The following NALF1 variants were observed in gnomAD, a reference collection of about 807,000 sequenced individuals.
NALF1 encodes NALCN channel auxiliary factor 1.
NALF1 carries 3 observed loss-of-function variants against 48.4 expected under a neutral mutation model. That is an observed-to-expected ratio of 0.06 (90% CI 0.03 to 0.16). The LOEUF (loss-of-function observed/expected upper bound fraction) is 0.16, where lower values mean the gene tolerates loss of function less well. Among genes scored for constraint, NALF1 ranks in the 10% least tolerant of loss-of-function variants. The pLI, the probability that NALF1 is intolerant of heterozygous loss-of-function variation, is 1.00. For missense variants in NALF1, 526 were observed against 571.5 expected, an observed-to-expected ratio of 0.92 and a Z score of 0.81; for synonymous variants, 262 against 245.7, an observed-to-expected ratio of 1.07 and a Z score of -0.62.
At chr13:107,373,802 T>C (rs565136114) in intron 1 of NALF1, among the ~76,000 whole-genome samples, 33 of 152,276 alleles carry the variant, frequency 2.2e-4, no homozygotes, top group African/African-American at 7.9e-4. Context: ...AAGCACATGT[T>C]TCAATGTATA....
chr13:107,623,590 A>G (rs1372472741), intron 1 of NALF1, among the ~76,000 whole-genome samples: 1 of 152,202 alleles, frequency 6.6e-6, no homozygotes, highest in East Asian at 1.9e-4. Context: ...CTATTGTTTC[A>G]TTCTGTTGTA....
At chr13:107,660,026 T>C (rs1435345914) in intron 1 of NALF1, among the ~76,000 whole-genome samples, 1 of 151,872 alleles carries the variant, frequency 6.6e-6, no homozygotes, top group Non-Finnish European at 1.5e-5. Flanking sequence ...CCACCGCACC[T>C]GGCCAAATAT....
At chr13:107,235,212 CT>C (rs1398491486) in intron 1 of NALF1, among the ~76,000 whole-genome samples, 1 of 152,182 alleles carries the variant, frequency 6.6e-6, no homozygotes, top group Non-Finnish European at 1.5e-5. Context: ...TCAGAATGCA[CT>C]GTCTTCCTAT....
chr13:107,265,206 T>C (rs1237544821), intron 1 of NALF1, among the ~76,000 whole-genome samples: 1 of 152,240 alleles, frequency 6.6e-6, no homozygotes, highest in Non-Finnish European at 1.5e-5. Context: ...TGCCTATGCA[T>C]AACTTTTTCT....
At chr13:107,227,522 G>A (rs1880131300) in intron 1 of NALF1, among the ~76,000 whole-genome samples, 1 of 152,172 alleles carries the variant, frequency 6.6e-6, no homozygotes, top group Non-Finnish European at 1.5e-5. Flanking sequence ...ACTGCATAAG[G>A]TTAAAAGTTT....
At chr13:107,439,502 T>G (rs1255294737) in intron 1 of NALF1, among the ~76,000 whole-genome samples, 1 of 152,202 alleles carries the variant, frequency 6.6e-6, no homozygotes, top group African/African-American at 2.4e-5. Context: ...CCAGCTATCT[T>G]AAAAATACTT....
chr13:107,598,685 GTTC>G (rs1449212617), intron 1 of NALF1, among the ~76,000 whole-genome samples: 1 of 152,118 alleles, frequency 6.6e-6, no homozygotes, highest in Non-Finnish European at 1.5e-5. Context: ...TTTGGAACTG[GTTC>G]TTCTGCATAG....
At chr13:107,307,559 C>T (rs887959122) in intron 1 of NALF1, among the ~76,000 whole-genome samples, 3 of 149,438 alleles carry the variant, frequency 2.0e-5, no homozygotes, top group African/African-American at 7.4e-5. Context: ...TCTTGGCTCA[C>T]TGCAACCTCC....
rs150221017 is a variant in NALF1, at chr13:107,473,356, C to T, written c.916-262601G>A. On this transcript the variant is annotated intron_variant, in intron 1 of 2. Coordinates refer to ENST00000375915, the MANE Select transcript of NALF1 (RefSeq NM_001080396.3). ...GCTTTGTTGACTTAGAATACAGGAA[C>T]GTTAATTTCAGTAAGCTCCTTAGAA... Among the ~76,000 whole-genome samples, 187 of 152,210 alleles carry T rather than the reference C, an allele frequency of 1.2e-3. 3 individuals are homozygous for T. The East Asian group carries it at 0.03, about 24-fold the overall frequency.
At chr13:107,604,964 T>C (rs1879026111) in intron 1 of NALF1, among the ~76,000 whole-genome samples, 1 of 152,218 alleles carries the variant, frequency 6.6e-6, no homozygotes, top group Admixed American at 6.5e-5. Context: ...TTTACATGCA[T>C]CTTCTCATTA....
chr13:107,714,910 A>G (rs144375860), intron 1 of NALF1, among the ~76,000 whole-genome samples: 1 of 152,280 alleles, frequency 6.6e-6, no homozygotes, highest in African/African-American at 2.4e-5. Flanking sequence ...CCAAATGTGG[A>G]TATTAACAAT....
chr13:107,740,136 A>G (rs1231628559), intron 1 of NALF1, among the ~76,000 whole-genome samples: 1 of 152,216 alleles, frequency 6.6e-6, no homozygotes, highest in African/African-American at 2.4e-5. Flanking sequence ...CCCTGGTGCC[A>G]AAAGGTTGGA....
intron 1 of NALF1, among the ~76,000 whole-genome samples, chr13:107,396,374 C>T (rs1883712787): frequency 6.6e-6 from 1 of 152,182 alleles, no homozygotes; most frequent in Non-Finnish European, 1.5e-5. Context: ...ACATCCAGTT[C>T]TGTAGAAGTG....
intron 1 of NALF1, among the ~76,000 whole-genome samples, chr13:107,476,503 C>T (rs1194362396): frequency 6.6e-6 from 1 of 151,948 alleles, no homozygotes; most frequent in Non-Finnish European, 1.5e-5. Context: ...TTAAATCTAT[C>T]TAATTATTTT....
chr13:107,595,259 T>C (rs896824150), intron 1 of NALF1, among the ~76,000 whole-genome samples: 1 of 152,168 alleles, frequency 6.6e-6, no homozygotes, highest in Admixed American at 6.6e-5. Flanking sequence ...AATTGGAGTC[T>C]ATCTAATCTA....
At chr13:107,780,548 G>A (rs147007709) in intron 1 of NALF1, among the ~76,000 whole-genome samples, 2,058 of 151,728 alleles carry the variant, frequency 0.014, 28 homozygotes, top group African/African-American at 0.045. Context: ...ACCCAGGCTG[G>A]AGTGCAATGA....
chr13:107,439,371 C>T (rs1884519464), intron 1 of NALF1, among the ~76,000 whole-genome samples: 2 of 152,324 alleles, frequency 1.3e-5, no homozygotes, highest in Admixed American at 1.3e-4. Context: ...AACAAACCTT[C>T]CTCTGTTCTT....
chr13:107,259,214 T>C (rs942675345), intron 1 of NALF1, among the ~76,000 whole-genome samples: 5 of 152,158 alleles, frequency 3.3e-5, no homozygotes, highest in African/African-American at 1.2e-4. Context: ...TGATGTAAAG[T>C]CTTTTTCTTT....
chr13:107,706,076 G>C (rs1392502050), intron 1 of NALF1, among the ~76,000 whole-genome samples: 4 of 152,074 alleles, frequency 2.6e-5, no homozygotes, highest in Non-Finnish European at 5.9e-5. Flanking sequence ...CTATAACTTA[G>C]ATATCCGGAT....
Sources: gnomAD v4.1 joint callset for allele counts (sites outside exome capture counted in the v4.1 genomes callset) on GRCh38, gnomAD v4.1.1 for gene constraint, MANE v1.5 for transcripts, NCBI Gene and HGNC (gene_info 2026-07-23, HGNC 2026-07-21) for gene names.